Variants in CCDC102B observed in about 807,000 individuals in gnomAD.
CCDC102B encodes the protein coiled-coil domain containing 102B, also known as coiled-coil domain-containing protein 102B.
Under a neutral mutation model 57.4 loss-of-function variants are expected in CCDC102B, and 75 were observed. That is an observed-to-expected ratio of 1.31 (90% CI 1.08 to 1.58). CCDC102B has a LOEUF of 1.58. Ranked by LOEUF, CCDC102B falls within the 40% of genes most tolerant of loss-of-function variation. CCDC102B has a pLI of 0.00. For missense variants in CCDC102B, 636 were observed against 582.6 expected (o/e 1.09, Z -0.94); for synonymous variants, 206 against 201.9 (o/e 1.02, Z -0.17).
intron 5 of CCDC102B, among the ~76,000 whole-genome samples, chr18:68,891,010 T>C (rs1282577186): frequency 1.3e-5 from 2 of 152,246 alleles, no homozygotes; most frequent in East Asian, 3.8e-4. Context: ...GTAAATGTTT[T>C]ATTTTTAGAA....
intron 6 of CCDC102B, among the ~76,000 whole-genome samples, chr18:68,932,192 C>T (rs560393795): frequency 3.2e-4 from 48 of 151,824 alleles, no homozygotes; most frequent in Middle Eastern, 3.4e-3. Context: ...ACTAGATAAC[C>T]TACCAGTATT....
rs2052794346 is a variant in CCDC102B, at chr18:69,055,114, C to T, written c.*977C>T. The T allele has an allele frequency of 2.0e-6, 2 of 983,676 alleles. No homozygotes were observed. Among genetic ancestry groups the T allele is most frequent in the Admixed American group, 1.2e-4 (2 of 16,218 alleles). 60.9% of individuals were successfully genotyped at this position (983,676 alleles called of 1,614,324 possible). A position where few individuals can be genotyped will look rare whatever the true frequency, so the allele number is the denominator to read the frequency against. Reference sequence around the variant, plus strand: ...ATAACATACTGGTTTTACTCATCTCCCCCTCCATTGATTAGCCAAAAAAAA... The same window carrying T: ...ATAACATACTGGTTTTACTCATCTCTCCCTCCATTGATTAGCCAAAAAAAA... On this transcript the variant is annotated 3_prime_UTR_variant, in exon 8 of 8. Coordinates refer to ENST00000360242, the MANE Select transcript of CCDC102B (RefSeq NM_024781.3).
intron 2 of CCDC102B, among the ~76,000 whole-genome samples, chr18:68,741,842 T>C (rs753421579): frequency 6.6e-5 from 10 of 152,134 alleles, no homozygotes; most frequent in Non-Finnish European, 8.8e-5. Context: ...GGGTTTTTAC[T>C]GAGGTCAGTG....
At chr18:68,889,774 A>G (rs990337526) in intron 5 of CCDC102B, among the ~76,000 whole-genome samples, 4 of 152,140 alleles carry the variant, frequency 2.6e-5, no homozygotes, top group Non-Finnish European at 5.9e-5. Context: ...AGTCTATAGT[A>G]TGATGTTATA....
chr18:68,741,141 G>A (rs986400659), intron 2 of CCDC102B, among the ~76,000 whole-genome samples: 11 of 152,176 alleles, frequency 7.2e-5, no homozygotes, highest in African/African-American at 9.7e-5. Context: ...GACTCACAGC[G>A]CAAATAGTGT....
chr18:68,730,195 T>C (rs1268916727), intron 2 of CCDC102B, among the ~76,000 whole-genome samples: 2 of 152,144 alleles, frequency 1.3e-5, no homozygotes, highest in African/African-American at 4.8e-5. Flanking sequence ...TCTAAATGAA[T>C]TCCATTATTA....
In CCDC102B at chr18:68,749,891, C is replaced by A. The variant is rs192902104; in HGVS notation, c.-67+33297C>A. 9.9e-5 allele frequency among the ~76,000 whole-genome samples: 15 copies of A among 152,226 alleles called. No homozygotes were observed. In the East Asian group the frequency reaches 2.9e-3, roughly 29 times the overall value. The stretch of plus-strand genomic sequence containing the variant: ...ATGGGCAAGGACTTCATGTCTAAAA[C>A]AGCAAAAGCGATAGCAACAAAAGCC... On this transcript the variant is annotated intron_variant, in intron 2 of 3. Coordinates refer to the CCDC102B transcript ENST00000578970.
intron 4 of CCDC102B, among the ~76,000 whole-genome samples, chr18:68,866,027 A>G (rs2038961166): frequency 6.6e-6 from 1 of 152,152 alleles, no homozygotes; most frequent in Admixed American, 6.5e-5. Flanking sequence ...TCATTCTATC[A>G]GTAAGTAATT....
chr18:68,832,587 AG>A (rs914916338), intron 1 of CCDC102B, among the ~76,000 whole-genome samples: 6 of 152,044 alleles, frequency 3.9e-5, no homozygotes, highest in African/African-American at 1.4e-4. Flanking sequence ...GGTGGAAAAG[AG>A]GGATGAGGAA....
intron 6 of CCDC102B, chr18:68,897,699 T>C (rs1383196710): frequency 1.6e-6 from 2 of 1,250,222 alleles, no homozygotes; most frequent in Admixed American, 2.3e-5. Flanking sequence ...AATAGAACTT[T>C]CTGGTTTTTT....
intron 7 of CCDC102B, among the ~76,000 whole-genome samples, chr18:69,033,420 C>T (rs1349822553): frequency 6.6e-6 from 1 of 152,080 alleles, no homozygotes; most frequent in Admixed American, 6.6e-5. Flanking sequence ...AAAAGGAAAG[C>T]CTCTGCACAT....
intron 7 of CCDC102B, among the ~76,000 whole-genome samples, chr18:69,050,468 CT>C (rs1219114636): frequency 1.3e-5 from 2 of 152,184 alleles, no homozygotes; most frequent in Non-Finnish European, 2.9e-5. Flanking sequence ...AGTGCCTTCA[CT>C]GTATAGCCAA....
rs1380876565 is a variant in CCDC102B at position 68,913,056 on chromosome 18, T to C, written c.1263+15628T>C. Among the ~76,000 whole-genome samples the C allele has an allele frequency of 3.9e-5, 6 of 152,326 alleles. No homozygotes were observed. In the East Asian group the frequency reaches 7.7e-4, roughly 20 times the overall value. On this transcript the variant is annotated intron_variant, in intron 6 of 7. Coordinates refer to ENST00000360242, the MANE Select transcript of CCDC102B (RefSeq NM_024781.3). Reference sequence around the variant, plus strand: ...TTAATTCACCCAGTTGAATTTGATATGGTTGTTGACATAATTGAGATATTT... The same window carrying C: ...TTAATTCACCCAGTTGAATTTGATACGGTTGTTGACATAATTGAGATATTT...
intron 1 of CCDC102B, among the ~76,000 whole-genome samples, chr18:68,811,211 C>G (rs752108405): frequency 6.6e-6 from 1 of 152,174 alleles, no homozygotes; most frequent in Non-Finnish European, 1.5e-5. Flanking sequence ...TGGGTATATA[C>G]GCAGTAATGA....
At chr18:68,819,684 T>G (rs952884899) in intron 1 of CCDC102B, among the ~76,000 whole-genome samples, 4 of 152,068 alleles carry the variant, frequency 2.6e-5, no homozygotes, top group African/African-American at 9.6e-5. Context: ...CCTCACAATT[T>G]TGAGCTTTCT....
intron 7 of CCDC102B, among the ~76,000 whole-genome samples, chr18:69,030,356 T>C (rs1039236563): frequency 6.6e-5 from 10 of 152,212 alleles, no homozygotes; most frequent in Non-Finnish European, 1.5e-4. Flanking sequence ...ATCAATATTA[T>C]ACAGGAAATT....
At chr18:68,862,367 A>C (rs954907845) in intron 4 of CCDC102B, among the ~76,000 whole-genome samples, 51 of 152,316 alleles carry the variant, frequency 3.3e-4, no homozygotes, top group African/African-American at 1.2e-3. Context: ...ACAGGCACTG[A>C]ACCCTCACTT....
intron 1 of CCDC102B, among the ~76,000 whole-genome samples, chr18:68,831,873 A>G (rs534233924): frequency 6.6e-6 from 1 of 152,222 alleles, no homozygotes; most frequent in Admixed American, 6.6e-5. Flanking sequence ...TACAAAATGC[A>G]TTTTCATACT....
intron 5 of CCDC102B, among the ~76,000 whole-genome samples, chr18:68,879,483 G>C (rs578028820): frequency 1.1e-3 from 163 of 152,222 alleles, no homozygotes; most frequent in African/African-American, 3.8e-3. Context: ...ACAGGGTGCT[G>C]ATTGGTGGAT....
Sources: gnomAD v4.1 joint callset for allele counts (sites outside exome capture counted in the v4.1 genomes callset) on GRCh38, gnomAD v4.1.1 for gene constraint, MANE v1.5 for transcripts, NCBI Gene and HGNC (gene_info 2026-07-23, HGNC 2026-07-21) for gene names.